The following EPHA4 variants were observed in gnomAD, a reference collection of about 807,000 sequenced individuals.
EPHA4 encodes the protein ephrin type-A receptor 4.
A neutral mutation model predicts 108.3 loss-of-function variants in EPHA4; 19 were observed. That is an observed-to-expected ratio of 0.18 (90% CI 0.12 to 0.26). The LOEUF is 0.26. Ranked by LOEUF, EPHA4 falls within the 10% of genes least tolerant of loss-of-function variation. The probability of loss-of-function intolerance (pLI) is 1.00; values close to 1 mark genes in which losing one functional copy is unlikely to be tolerated. For synonymous variants in EPHA4, 449 were observed against 455.5 expected, an observed-to-expected ratio of 0.99 and a Z score of 0.18; for missense variants, 917 against 1,254.0, an observed-to-expected ratio of 0.73 and a Z score of 4.06.
intron 4 of EPHA4, among the ~76,000 whole-genome samples, chr2:221,499,713 C>CT (rs1692412317): frequency 1.3e-5 from 1 of 78,548 alleles, no homozygotes; most frequent in Admixed American, 1.9e-4. Flanking sequence ...ATAACTAAAA[C>CT]TAATATATAT....
chr2:221,439,730 T>C (rs779027477), intron 11 of EPHA4, among the ~76,000 whole-genome samples: 1 of 152,050 alleles, frequency 6.6e-6, no homozygotes, highest in Non-Finnish European at 1.5e-5. Context: ...AGATACTTTG[T>C]CAACTAACGA....
chr2:221,456,844 T>G (rs1574579056), intron 6 of EPHA4, 72 bp from the exon 7 acceptor site: 1 of 1,553,610 alleles, frequency 6.4e-7, no homozygotes. Flanking sequence ...GGTGCAATAT[T>G]AAAGGAGTCA....
At chr2:221,558,495 A>ACC (rs1381605738) in intron 3 of EPHA4, among the ~76,000 whole-genome samples, 1 of 152,016 alleles carries the variant, frequency 6.6e-6, no homozygotes, top group Non-Finnish European at 1.5e-5. Flanking sequence ...TATCATGACC[A>ACC]CCCCTGCTTT....
At chr2:221,483,183 T>TTGAAC (rs1691882649) in intron 4 of EPHA4, among the ~76,000 whole-genome samples, 1 of 152,180 alleles carries the variant, frequency 6.6e-6, no homozygotes, top group East Asian at 1.9e-4. Flanking sequence ...GCCTCTGCAG[T>TTGAAC]TCAACATGGC....
At chr2:221,440,228 T>A (rs773988731) in intron 11 of EPHA4, among the ~76,000 whole-genome samples, 3 of 152,212 alleles carry the variant, frequency 2.0e-5, no homozygotes, top group African/African-American at 4.8e-5. Flanking sequence ...GACAACTGCA[T>A]TATGCAAATG....
At chr2:221,421,494 G>A (rs553612199) in intron 17 of EPHA4, among the ~76,000 whole-genome samples, 15 of 152,176 alleles carry the variant, frequency 9.9e-5, no homozygotes, top group African/African-American at 1.9e-4. Flanking sequence ...CTCTATGAAC[G>A]ACAGAGGTCT....
chr2:221,515,726 A>G (rs1052288171), intron 3 of EPHA4, among the ~76,000 whole-genome samples: 4 of 152,118 alleles, frequency 2.6e-5, no homozygotes, highest in Admixed American at 2.6e-4. Flanking sequence ...CTGAGGTGGG[A>G]GGATCCTTTG....
chr2:221,439,794 T>C (rs1469999369), intron 11 of EPHA4, among the ~76,000 whole-genome samples: 2 of 152,156 alleles, frequency 1.3e-5, no homozygotes, highest in Non-Finnish European at 2.9e-5. Context: ...TTTCACCAGA[T>C]CCCTCTGGAG....
chr2:221,485,630 C>T (rs144728001), intron 4 of EPHA4, among the ~76,000 whole-genome samples: 129 of 152,082 alleles, frequency 8.5e-4, no homozygotes, highest in African/African-American at 3.0e-3. Context: ...AGGACACACG[C>T]TTTACAAATT....
chr2:221,463,474 T>C (rs555160260), intron 5 of EPHA4, among the ~76,000 whole-genome samples: 1 of 152,276 alleles, frequency 6.6e-6, no homozygotes, highest in African/African-American at 2.4e-5. Context: ...AGAAGGTACA[T>C]GTGGGTTTTC....
chr2:221,419,441 T>C lies in EPHA4; in HGVS notation c.*1931A>G, dbSNP rs1689683038. 1 of 152,642 alleles carries C rather than the reference T, an allele frequency of 6.6e-6. No homozygotes were observed. Among genetic ancestry groups the C allele is most frequent in the Non-Finnish European group, 1.5e-5 (1 of 68,046 alleles). 9.5% of individuals were successfully genotyped at this position (152,642 alleles called of 1,614,324 possible). On this transcript the variant is annotated 3_prime_UTR_variant, in exon 18 of 18. Transcript: ENST00000281821. ...CACCATCTCAAAGCTGACACACATATCTACGTTCATCTCCAAAAGTATATG... is the reference window on the plus strand; with the variant it reads ...CACCATCTCAAAGCTGACACACATACCTACGTTCATCTCCAAAAGTATATG...
rs541477841 is a variant in EPHA4, at chr2:221,510,311, T to C, written c.824-9139A>G. Reference sequence around the variant, plus strand: ...GACAAGATTGGAAGTATGTAAAAATTTATTTTTATTTAGACAATTTAAACA... The same window carrying C: ...GACAAGATTGGAAGTATGTAAAAATCTATTTTTATTTAGACAATTTAAACA... On this transcript the variant is annotated intron_variant, in intron 3 of 17. Transcript: ENST00000281821. Among the ~76,000 whole-genome samples, 3 of 152,332 alleles carry C rather than the reference T, an allele frequency of 2.0e-5. No homozygotes were observed. The South Asian group carries it at 6.2e-4, about 32-fold the overall frequency.
At chr2:221,429,006 C>T (rs1271559694) in intron 15 of EPHA4, among the ~76,000 whole-genome samples, 2 of 152,084 alleles carry the variant, frequency 1.3e-5, no homozygotes, top group African/African-American at 2.4e-5. Context: ...ACTGGAAGGG[C>T]TTAAATATTA....
chr2:221,519,785 T>G (rs937552850), intron 3 of EPHA4, among the ~76,000 whole-genome samples: 2 of 152,142 alleles, frequency 1.3e-5, no homozygotes, highest in African/African-American at 4.8e-5. Context: ...ACAAAGAACA[T>G]TAAAAAGGCC....
At chr2:221,490,872 T>C (rs1283843097) in intron 4 of EPHA4, among the ~76,000 whole-genome samples, 1 of 152,248 alleles carries the variant, frequency 6.6e-6, no homozygotes, top group Non-Finnish European at 1.5e-5. Flanking sequence ...TACATAAAGA[T>C]GGCTGTTTTA....
chr2:221,539,808 G>A (rs1159656114), intron 3 of EPHA4, among the ~76,000 whole-genome samples: 1 of 152,216 alleles, frequency 6.6e-6, no homozygotes, highest in Non-Finnish European at 1.5e-5. Context: ...CCAATACAAT[G>A]AAGGCTGGAA....
At chr2:221,426,165 G>A in intron 16 of EPHA4, 23 bp from the exon 17 acceptor site, 1 of 1,599,652 alleles carries the variant, frequency 6.3e-7, no homozygotes, top group East Asian at 2.2e-5. Context: ...CGACAAAAAA[G>A]GGACAGAAGA....
chr2:221,509,320 C>T (rs1692735602), intron 3 of EPHA4, among the ~76,000 whole-genome samples: 6 of 152,198 alleles, frequency 3.9e-5, no homozygotes, highest in Admixed American at 3.9e-4. Context: ...AAGAGCAAAA[C>T]TCTGCCTCAA....
chr2:221,492,960 T>C (rs1692192965), intron 4 of EPHA4, among the ~76,000 whole-genome samples: 1 of 152,200 alleles, frequency 6.6e-6, no homozygotes, highest in Admixed American at 6.5e-5. Context: ...CCTGGAAAAC[T>C]TGGATTTGAG....
Sources: gnomAD v4.1 joint callset for allele counts (sites outside exome capture counted in the v4.1 genomes callset) on GRCh38, gnomAD v4.1.1 for gene constraint, MANE v1.5 for transcripts, NCBI Gene and HGNC (gene_info 2026-07-23, HGNC 2026-07-21) for gene names.